EPM2A: variants seen among roughly 807,000 people sequenced by gnomAD.
EPM2A encodes EPM2A glucan phosphatase, laforin, also known as laforin.
In EPM2A, 21 loss-of-function variants were observed where a neutral mutation model predicts 26.5. The ratio of observed to expected loss-of-function variants is 0.79; its 90% confidence interval spans 0.56 to 1.14. The LOEUF (loss-of-function observed/expected upper bound fraction) is 1.14. Ranked by LOEUF, EPM2A falls within the 50% of genes most tolerant of loss-of-function variation. The pLI is 0.00. For synonymous variants in EPM2A, 217 were observed against 177.6 expected, an observed-to-expected ratio of 1.22 and a Z score of -1.76; for missense variants, 458 against 440.8, an observed-to-expected ratio of 1.04 and a Z score of -0.35.
intron 1 of EPM2A, among the ~76,000 whole-genome samples, chr6:145,691,056 AGAAGAGG>A (rs1781249493): frequency 6.6e-6 from 1 of 152,248 alleles, no homozygotes; most frequent in African/African-American, 2.4e-5. Context: ...GAGTCTTGGA[AGAAGAGG>A]GAAAAGATAG....
intron 2 of EPM2A, among the ~76,000 whole-genome samples, chr6:145,551,441 T>A (rs900104043): frequency 7.2e-5 from 11 of 152,020 alleles, no homozygotes; most frequent in African/African-American, 2.7e-4. Context: ...TAGTAAAAGG[T>A]TCCTTTAAAA....
chr6:145,494,728 A>T (rs780887447), intron 4 of EPM2A, among the ~76,000 whole-genome samples: 3 of 152,152 alleles, frequency 2.0e-5, no homozygotes, highest in Non-Finnish European at 4.4e-5. Flanking sequence ...TTTCTGCCTT[A>T]ATTTCATTAT....
intron 2 of EPM2A, among the ~76,000 whole-genome samples, chr6:145,535,449 T>C (rs1403305387): frequency 6.6e-6 from 1 of 152,114 alleles, no homozygotes; most frequent in African/African-American, 2.4e-5. Context: ...TGGGATCTGA[T>C]TGTAGGTATT....
At chr6:145,577,840 A>G (rs1319425260) in intron 2 of EPM2A, among the ~76,000 whole-genome samples, 1 of 152,166 alleles carries the variant, frequency 6.6e-6, no homozygotes, top group East Asian at 1.9e-4. Flanking sequence ...AATTGAAATT[A>G]TATCAACTAT....
intron 4 of EPM2A, among the ~76,000 whole-genome samples, chr6:145,460,843 T>C (rs1582772845): frequency 6.6e-6 from 1 of 152,252 alleles, no homozygotes; most frequent in African/African-American, 2.4e-5. Flanking sequence ...ATCAGTTTTA[T>C]AGCTTTAATT....
chr6:145,487,543 T>G (rs576826221), intron 4 of EPM2A, among the ~76,000 whole-genome samples: 60 of 152,320 alleles, frequency 3.9e-4, no homozygotes, highest in African/African-American at 1.4e-3. Flanking sequence ...TTCTGACTGG[T>G]GTGAGATGGT....
chr6:145,575,790 G>A (rs1013503158), intron 2 of EPM2A, among the ~76,000 whole-genome samples: 2 of 151,998 alleles, frequency 1.3e-5, no homozygotes, highest in African/African-American at 4.8e-5. Flanking sequence ...AGCATTTTTG[G>A]GTCTAATCAT....
chr6:145,573,132 G>T (rs915975041), intron 2 of EPM2A, among the ~76,000 whole-genome samples: 1 of 152,210 alleles, frequency 6.6e-6, no homozygotes, highest in Non-Finnish European at 1.5e-5. Context: ...GCTACTTCTT[G>T]CTCACTGGAT....
intron 2 of EPM2A, among the ~76,000 whole-genome samples, chr6:145,544,549 T>G (rs908695007): frequency 1.3e-5 from 2 of 152,168 alleles, no homozygotes; most frequent in Non-Finnish European, 2.9e-5. Context: ...AGTCACAAAG[T>G]GTGCGTTAGG....
intron 2 of EPM2A, among the ~76,000 whole-genome samples, chr6:145,662,466 A>G (rs1778791291): frequency 6.6e-6 from 1 of 152,164 alleles, no homozygotes; most frequent in Non-Finnish European, 1.5e-5. Context: ...ATTTAATGAT[A>G]CTTGTTAAAG....
At chr6:145,621,638 C>A (rs560220556), downstream of EPM2A, among the ~76,000 whole-genome samples, 1 of 150,148 alleles carries the variant, frequency 6.7e-6, no homozygotes, top group South Asian at 2.1e-4. Flanking sequence ...TACATCCTAA[C>A]AGGTGTGAGG....
chr6:145,610,771 T>C (rs1422819553), intron 2 of EPM2A, among the ~76,000 whole-genome samples: 1 of 152,222 alleles, frequency 6.6e-6, no homozygotes, highest in East Asian at 1.9e-4. Flanking sequence ...TAGAACTTAA[T>C]GTAATCTTTC....
At chr6:145,471,629 C>T (rs1779474320) in intron 4 of EPM2A, among the ~76,000 whole-genome samples, 1 of 152,128 alleles carries the variant, frequency 6.6e-6, no homozygotes, top group Non-Finnish European at 1.5e-5. Context: ...GAGAACACAG[C>T]AATTCTGAGG....
chr6:145,677,264 G>T (rs1003566399), intron 2 of EPM2A, among the ~76,000 whole-genome samples: 1 of 151,976 alleles, frequency 6.6e-6, no homozygotes, highest in Admixed American at 6.6e-5. Flanking sequence ...AATAAACTAG[G>T]TATTGATGGA....
At chr6:145,403,254 CTT>C (rs1778518508) in intron 4 of EPM2A, among the ~76,000 whole-genome samples, 1 of 151,090 alleles carries the variant, frequency 6.6e-6, no homozygotes, top group Admixed American at 6.6e-5. Context: ...TCCAATTACT[CTT>C]TAAGTTATTT....
chr6:145,567,712 G>A (rs1485378734), intron 2 of EPM2A, among the ~76,000 whole-genome samples: 1 of 152,176 alleles, frequency 6.6e-6, no homozygotes, highest in Non-Finnish European at 1.5e-5. Context: ...GGATGAGGCA[G>A]GTACTAAGAT....
intron 2 of EPM2A, among the ~76,000 whole-genome samples, chr6:145,581,444 T>C (rs955409500): frequency 2.6e-5 from 4 of 152,146 alleles, no homozygotes; most frequent in Non-Finnish European, 5.9e-5. Context: ...ATTCTGTGGG[T>C]TGTGTATTTA....
intron 2 of EPM2A, among the ~76,000 whole-genome samples, chr6:145,569,604 C>G (rs761816975): frequency 6.6e-6 from 1 of 152,158 alleles, no homozygotes; most frequent in Admixed American, 6.5e-5. Context: ...TAAAAGCCCC[C>G]TTTGATTTAT....
chr6:145,668,669 T>A (rs576226887), intron 2 of EPM2A, among the ~76,000 whole-genome samples: 12 of 152,240 alleles, frequency 7.9e-5, no homozygotes, highest in African/African-American at 2.9e-4. Flanking sequence ...GCTGCTATGA[T>A]CTCAGAGCAG....
Sources: gnomAD v4.1 joint callset for allele counts (sites outside exome capture counted in the v4.1 genomes callset) on GRCh38, gnomAD v4.1.1 for gene constraint, MANE v1.5 for transcripts, NCBI Gene and HGNC (gene_info 2026-07-23, HGNC 2026-07-21) for gene names.